SFMBT1: variants seen among roughly 807,000 people sequenced by gnomAD.
SFMBT1 encodes Scm like with four mbt domains 1.
A neutral mutation model predicts 108.7 loss-of-function variants in SFMBT1; 32 were observed. The observed-to-expected ratio is 0.29, with a 90% CI of 0.22 to 0.40. The LOEUF (loss-of-function observed/expected upper bound fraction) is 0.40. Among genes scored for constraint, SFMBT1 ranks in the 10% least tolerant of loss-of-function variants. The probability of loss-of-function intolerance (pLI) is 1.00; values close to 1 mark genes in which losing one functional copy is unlikely to be tolerated. For synonymous variants in SFMBT1, 348 were observed against 369.5 expected (o/e 0.94, Z 0.67); for missense variants, 816 against 1,059.6 (o/e 0.77, Z 3.19).
chr3:52,955,362 G>C (rs1023622788), intron 2 of SFMBT1, among the ~76,000 whole-genome samples: 1 of 151,954 alleles, frequency 6.6e-6, no homozygotes, highest in African/African-American at 2.4e-5. Flanking sequence ...GCAGTGAGCC[G>C]AGATCGTGCC....
chr3:52,969,035 A>C, intron 2 of SFMBT1, 66 bp downstream of exon 2: 1 of 1,585,280 alleles, frequency 6.3e-7, no homozygotes, highest in South Asian at 1.1e-5. Context: ...GAAACAGACA[A>C]TATAACACAG....
chr3:52,926,724 G>A (rs191784045), intron 9 of SFMBT1, among the ~76,000 whole-genome samples: 14 of 152,178 alleles, frequency 9.2e-5, no homozygotes, highest in East Asian at 7.7e-4. Flanking sequence ...TGAGGTTCTT[G>A]ATGGAAGCAT....
intron 1 of SFMBT1, among the ~76,000 whole-genome samples, chr3:53,036,144 C>A (rs1699862241): frequency 6.6e-6 from 1 of 152,196 alleles, no homozygotes; most frequent in Non-Finnish European, 1.5e-5. Context: ...GTGCTGACAG[C>A]AACTCTGAGG....
At chr3:52,935,509 T>C (rs1010901086) in intron 4 of SFMBT1, among the ~76,000 whole-genome samples, 1 of 152,220 alleles carries the variant, frequency 6.6e-6, no homozygotes, top group Non-Finnish European at 1.5e-5. Context: ...TGCCAATGCC[T>C]GGCTTATACC....
intron 10 of SFMBT1, among the ~76,000 whole-genome samples, chr3:52,924,384 G>C (rs1327778135): frequency 6.6e-6 from 1 of 152,176 alleles, no homozygotes; most frequent in African/African-American, 2.4e-5. Flanking sequence ...GCTCACACTT[G>C]TAATCCCAGC....
chr3:52,916,913 T>C (rs1575370557), intron 13 of SFMBT1, among the ~76,000 whole-genome samples: 1 of 152,102 alleles, frequency 6.6e-6, no homozygotes, highest in African/African-American at 2.4e-5. Context: ...AACAGAAACT[T>C]TATATAGGGT....
At chr3:53,018,529 T>C (rs1051774245) in intron 1 of SFMBT1, among the ~76,000 whole-genome samples, 1 of 152,206 alleles carries the variant, frequency 6.6e-6, no homozygotes, top group African/African-American at 2.4e-5. Flanking sequence ...GGCTCTCATG[T>C]TGCTATCTCA....
At chr3:52,921,104 T>C (rs111835710) in intron 11 of SFMBT1, among the ~76,000 whole-genome samples, 4 of 152,188 alleles carry the variant, frequency 2.6e-5, no homozygotes, top group Admixed American at 1.3e-4. Flanking sequence ...TGAACAAGGA[T>C]TGCATAAAAG....
chr3:52,965,325 T>TA (rs11399843), intron 2 of SFMBT1, among the ~76,000 whole-genome samples: 93,109 of 143,468 alleles, frequency 0.65, 29,476 homozygotes, highest in South Asian at 0.81. Flanking sequence ...GAGAAAACAT[T>TA]AAAAAAAAAA....
rs1703328412 is a variant in SFMBT1 at position 52,945,222 on chromosome 3, T to C, written c.124-1629A>G. On this transcript the variant is annotated intron_variant, in intron 3 of 20. Transcript: ENST00000394752. ...AAATACAATTAGAGCCTGGAATATC[T>C]TGTGATGCCAGAAAGTAAGGAAATG... is the stretch of plus-strand genomic sequence containing the variant. Among the ~76,000 whole-genome samples the C allele has an allele frequency of 2.0e-5, 3 of 147,378 alleles. No individual in the cohort carries two copies. In the South Asian group the frequency reaches 6.5e-4, roughly 32 times the overall value.
At chr3:52,995,574 T>C (rs1041381764) in intron 1 of SFMBT1, among the ~76,000 whole-genome samples, 3 of 149,764 alleles carry the variant, frequency 2.0e-5, no homozygotes, top group Non-Finnish European at 4.5e-5. Context: ...TTATGTTTTG[T>C]AGAGAAGTGG....
chr3:53,037,368 C>T (rs1169319194), intron 1 of SFMBT1, among the ~76,000 whole-genome samples: 5 of 152,192 alleles, frequency 3.3e-5, no homozygotes, highest in Non-Finnish European at 7.3e-5. Flanking sequence ...TGAATACTTA[C>T]AGGAAAACTG....
At chr3:52,947,006 A>G (rs982567120) in intron 3 of SFMBT1, among the ~76,000 whole-genome samples, 1 of 152,040 alleles carries the variant, frequency 6.6e-6, no homozygotes, top group African/African-American at 2.4e-5. Flanking sequence ...TCTGGGCCTC[A>G]AGCGATCCAC....
intron 4 of SFMBT1, among the ~76,000 whole-genome samples, chr3:52,938,096 C>G (rs764932816): frequency 3.3e-5 from 5 of 152,148 alleles, no homozygotes; most frequent in African/African-American, 4.8e-5. Context: ...TGTCAGCTAT[C>G]AAGACTGACA....
At chr3:52,951,359 A>G (rs1703586634) in intron 3 of SFMBT1, among the ~76,000 whole-genome samples, 1 of 152,120 alleles carries the variant, frequency 6.6e-6, no homozygotes, top group Admixed American at 6.5e-5. Context: ...TCAGGCAAAC[A>G]AAAATTAAGG....
intron 1 of SFMBT1, among the ~76,000 whole-genome samples, chr3:52,977,504 CA>C (rs1226935374): frequency 1.4e-5 from 2 of 147,144 alleles, no homozygotes; most frequent in African/African-American, 2.5e-5. Context: ...GACTTCGTAT[CA>C]AAAAAAAAGG....
intron 4 of SFMBT1, among the ~76,000 whole-genome samples, chr3:52,942,576 G>A (rs894064068): frequency 2.0e-5 from 3 of 152,144 alleles, no homozygotes; most frequent in South Asian, 2.1e-4. Flanking sequence ...GCAGTGGCGC[G>A]ATCTCGGCTC....
At chr3:53,013,263 C>T (rs1276047734) in intron 1 of SFMBT1, among the ~76,000 whole-genome samples, 1 of 151,662 alleles carries the variant, frequency 6.6e-6, no homozygotes, top group African/African-American at 2.4e-5. Flanking sequence ...CTAGTTTCTA[C>T]TCAAAATGGT....
At chr3:53,001,070 C>T (rs577860045) in intron 1 of SFMBT1, among the ~76,000 whole-genome samples, 1 of 149,860 alleles carries the variant, frequency 6.7e-6, no homozygotes, top group African/African-American at 2.4e-5. Flanking sequence ...GACATTCTCC[C>T]TAACAAGTCA....
Sources: allele counts gnomAD v4.1 joint callset (sites outside exome capture counted in the v4.1 genomes callset), GRCh38; gene constraint gnomAD v4.1.1; transcripts MANE v1.5; gene names NCBI Gene and HGNC (gene_info 2026-07-23, HGNC 2026-07-21).